CALCRL: variants seen among roughly 807,000 people sequenced by gnomAD.
The protein encoded by CALCRL is calcitonin receptor like receptor.
Under a neutral mutation model 60.4 loss-of-function variants are expected in CALCRL, and 27 were observed. The ratio of observed to expected loss-of-function variants is 0.45; its 90% CI spans 0.33 to 0.62. The LOEUF is 0.62. Among genes scored for constraint, CALCRL ranks in the 20% least tolerant of loss-of-function variants. The probability of loss-of-function intolerance (pLI) is 0.03; values close to 1 mark genes in which losing one functional copy is unlikely to be tolerated. For synonymous variants in CALCRL, 190 were observed against 182.6 expected (o/e 1.04, Z -0.33); for missense variants, 424 against 540.7 (o/e 0.78, Z 2.14).
intron 1 of CALCRL, among the ~76,000 whole-genome samples, chr2:187,438,387 A>G (rs1690740619): frequency 6.6e-6 from 1 of 152,222 alleles, no homozygotes; most frequent in African/African-American, 2.4e-5. Flanking sequence ...GTATTTATAC[A>G]TCAACACTGA....
chr2:187,436,383 C>T (rs1335447299), intron 1 of CALCRL, among the ~76,000 whole-genome samples: 1 of 152,156 alleles, frequency 6.6e-6, no homozygotes, highest in East Asian at 1.9e-4. Context: ...GTGGTATGAT[C>T]AGTGTAGCCC....
intron 1 of CALCRL, among the ~76,000 whole-genome samples, chr2:187,441,282 T>A (rs1173731929): frequency 6.6e-6 from 1 of 151,964 alleles, no homozygotes; most frequent in Non-Finnish European, 1.5e-5. Flanking sequence ...TACATATTTA[T>A]TATATGTATT....
At chr2:187,415,628 A>C (rs1689569276) in intron 1 of CALCRL, 1 of 617,736 alleles carries the variant, frequency 1.6e-6, no homozygotes, top group Admixed American at 2.1e-5. Context: ...AAGGTGGTGA[A>C]CCAGGCATCG....
At chr2:187,395,357 T>A (rs1271263053) in intron 1 of CALCRL, among the ~76,000 whole-genome samples, 3 of 152,118 alleles carry the variant, frequency 2.0e-5, no homozygotes, top group Non-Finnish European at 4.4e-5. Context: ...CAAACACATT[T>A]ATACTTTTTC....
chr2:187,379,305 CTA>C (rs1687894323), intron 7 of CALCRL, among the ~76,000 whole-genome samples: 1 of 151,808 alleles, frequency 6.6e-6, no homozygotes, highest in Non-Finnish European at 1.5e-5. Flanking sequence ...AATATTAAAT[CTA>C]TGAGGCAAAA....
At chr2:187,393,874 G>A (rs1395256542) in intron 1 of CALCRL, among the ~76,000 whole-genome samples, 1 of 152,014 alleles carries the variant, frequency 6.6e-6, no homozygotes, top group Non-Finnish European at 1.5e-5. Flanking sequence ...TATATAGCTA[G>A]GGTTGAGGAT....
chr2:187,431,979 T>C (rs1381558562), intron 1 of CALCRL, among the ~76,000 whole-genome samples: 8 of 152,038 alleles, frequency 5.3e-5, no homozygotes, highest in Non-Finnish European at 2.9e-5. Context: ...AATGGTCATT[T>C]TTAGAAGAAA....
chr2:187,406,548 T>G (rs1689137198), intron 1 of CALCRL, among the ~76,000 whole-genome samples: 1 of 152,082 alleles, frequency 6.6e-6, no homozygotes, highest in South Asian at 2.1e-4. Flanking sequence ...AAGGAAGCAT[T>G]GAGAAGTCTA....
At chr2:187,428,818 G>A (rs113375998) in intron 1 of CALCRL, 23,682 of 151,082 alleles carry the variant, frequency 0.16, 2,409 homozygotes, top group East Asian at 0.4. Context: ...GCGTGAACAC[G>A]GGAGGTGGAG....
In CALCRL at chr2:187,391,905, A is replaced by G. The variant is rs190735899; in HGVS notation, c.-292-4149T>C. 3.7e-4 allele frequency among the ~76,000 whole-genome samples: 56 copies of G among 152,246 alleles called. No homozygotes were observed. The South Asian group carries it at 8.1e-3, about 22-fold the overall frequency. ...TACAATTCTGGTTTAATTTCTTAATATATTATACATCTACCAAGACAATTT... is the reference window on the plus strand; with the variant it reads ...TACAATTCTGGTTTAATTTCTTAATGTATTATACATCTACCAAGACAATTT... On this transcript the variant is annotated intron_variant, in intron 1 of 14. Coordinates refer to ENST00000392370, the MANE Select transcript of CALCRL (RefSeq NM_005795.6).
Position 187,346,278 on chromosome 2 carries a change from C to A in CALCRL, c.1292G>T (p.Gly431Val), listed in dbSNP as rs148965095. 2.6e-3 allele frequency: 4,255 copies of A among 1,612,268 alleles called. 110 individuals carry two copies. In the Admixed American group the frequency reaches 0.047, roughly 18 times the overall value. ...TTCACTAGGACAGTCATGACTATAA[C>A]CTGGACCATCACTGATTGTTGACAC... Reference protein sequence around the residue: ...YTVSTISDGPGYSHDCPSEHL... With the variant: ...YTVSTISDGPVYSHDCPSEHL... The change falls in exon 15 of 15, where the codon GGT (glycine) becomes GTT (valine). Residue 431 changes from glycine to valine, a missense_variant. Gly to Val is a moderately radical substitution (Grantham distance 109). This residue lies in a region of CALCRL where 222 missense variants were observed against 265.6 expected (regional missense o/e 0.84). Transcript: ENST00000392370.
chr2:187,383,734 T>C (rs1303571483), intron 4 of CALCRL, among the ~76,000 whole-genome samples: 1 of 152,074 alleles, frequency 6.6e-6, no homozygotes, highest in African/African-American at 2.4e-5. Context: ...TAAAATAGCA[T>C]CAAGATAACA....
intron 1 of CALCRL, among the ~76,000 whole-genome samples, chr2:187,413,039 C>T (rs1214220591): frequency 6.6e-6 from 1 of 152,100 alleles, no homozygotes; most frequent in Non-Finnish European, 1.5e-5. Context: ...GCATAGTAAG[C>T]ATTCAATTTA....
chr2:187,447,536 T>C (rs1691248360), intron 1 of CALCRL, among the ~76,000 whole-genome samples: 1 of 151,998 alleles, frequency 6.6e-6, no homozygotes, highest in South Asian at 2.1e-4. Context: ...TAAAAGCAAA[T>C]GTAATAAATA....
intron 1 of CALCRL, among the ~76,000 whole-genome samples, chr2:187,427,449 C>T (rs923410461): frequency 1.3e-5 from 2 of 151,974 alleles, no homozygotes; most frequent in African/African-American, 4.8e-5. Flanking sequence ...GACATTCATC[C>T]TACTTTAATG....
intron 14 of CALCRL, among the ~76,000 whole-genome samples, chr2:187,349,063 CTT>C (rs67334327): frequency 0.039 from 5,969 of 151,644 alleles, 366 homozygotes; most frequent in African/African-American, 0.14. Context: ...ATTTACGAAA[CTT>C]TTATAAAAAT....
At chr2:187,370,737 C>G (rs1687482347) in intron 8 of CALCRL, among the ~76,000 whole-genome samples, 1 of 152,172 alleles carries the variant, frequency 6.6e-6, no homozygotes. Context: ...TCCATTACTT[C>G]TTGCACTACT....
intron 6 of CALCRL, 39 bp from the exon 7 acceptor site, chr2:187,380,618 T>A: frequency 1.9e-6 from 3 of 1,572,026 alleles, no homozygotes; most frequent in African/African-American, 1.4e-5. Context: ...GGAATTTAAT[T>A]AACCTAGGAT....
intron 12 of CALCRL, among the ~76,000 whole-genome samples, chr2:187,357,105 A>G (rs1686827150): frequency 2.0e-5 from 3 of 152,274 alleles, no homozygotes; most frequent in Admixed American, 2.0e-4. Context: ...TGACTCCTCA[A>G]GGATCTAGAA....
Sources: allele counts gnomAD v4.1 joint callset (sites outside exome capture counted in the v4.1 genomes callset), GRCh38; gene constraint gnomAD v4.1.1; regional missense constraint gnomAD v4.1.1; transcripts MANE v1.5; gene names NCBI Gene and HGNC (gene_info 2026-07-23, HGNC 2026-07-21).